NCAM2: variants seen among roughly 807,000 people sequenced by gnomAD.
NCAM2 encodes neural cell adhesion molecule 2, also known as N-CAM-2.
A neutral mutation model predicts 98.1 loss-of-function variants in NCAM2; 30 were observed. The ratio of observed to expected loss-of-function variants is 0.31; its 90% confidence interval spans 0.23 to 0.41. The LOEUF is 0.41. Among genes scored for constraint, NCAM2 ranks in the 10% least tolerant of loss-of-function variants. The pLI, the probability that NCAM2 is intolerant of heterozygous loss-of-function variation, is 1.00. For missense variants in NCAM2, 867 were observed against 1,005.8 expected (o/e 0.86, Z 1.87); for synonymous variants, 368 against 342.4 (o/e 1.07, Z -0.83).
At chr21:21,233,749 C>G (rs953679221) in intron 1 of NCAM2, among the ~76,000 whole-genome samples, 5 of 151,572 alleles carry the variant, frequency 3.3e-5, no homozygotes, top group Admixed American at 3.3e-4. Context: ...TGCTGAAATT[C>G]AATAACGTGT....
chr21:20,999,063 G>A (rs565838681), intron 1 of NCAM2, among the ~76,000 whole-genome samples: 1 of 152,198 alleles, frequency 6.6e-6, no homozygotes, highest in African/African-American at 2.4e-5. Flanking sequence ...TGTGCAAGAC[G>A]TTCGATTCTT....
chr21:21,194,231 G>GT lies in NCAM2; in HGVS notation c.56-86340dup, dbSNP rs1242570004. 1.3e-4 allele frequency among the ~76,000 whole-genome samples: 19 copies of GT among 151,838 alleles called. 1 individual carries two copies. Among genetic ancestry groups the GT allele is most frequent in the South Asian group, 2.1e-4 (1 of 4,822 alleles). The stretch of plus-strand genomic sequence containing the variant: ...AAAACTGTAATTGCAATTAGTATAT[G>GT]TTTTTTTCATTTAAGTATATTTTAA... On this transcript the variant is annotated intron_variant, in intron 1 of 17. Transcript: ENST00000400546.
intron 1 of NCAM2, among the ~76,000 whole-genome samples, chr21:21,264,395 T>A (rs1182906005): frequency 1.3e-5 from 2 of 152,058 alleles, no homozygotes; most frequent in Admixed American, 1.3e-4. Flanking sequence ...ACATCATCAA[T>A]GGGAATGTAA....
At position 21,493,368 on chromosome 21, in the gene NCAM2, T is replaced by C. The variant is rs369764511; in HGVS notation, c.2078-15483T>C. ...AGGTAATAGAGATATCACCATTGCA[T>C]GTTTTCCCTTTTAAATAGACTTTAG... On this transcript the variant is annotated intron_variant, in intron 15 of 17. Coordinates refer to ENST00000400546, the MANE Select transcript of NCAM2 (RefSeq NM_004540.5). 2.4e-4 allele frequency among the ~76,000 whole-genome samples: 37 copies of C among 152,018 alleles called. No individual in the cohort carries two copies. The East Asian group carries it at 3.9e-3, about 16-fold the overall frequency.
intron 15 of NCAM2, among the ~76,000 whole-genome samples, chr21:21,501,147 A>G (rs1987602713): frequency 6.6e-6 from 1 of 152,064 alleles, no homozygotes; most frequent in Non-Finnish European, 1.5e-5. Flanking sequence ...CAAAACAAAC[A>G]TTTAATTCAT....
At chr21:21,336,417 G>A (rs1334030527) in intron 7 of NCAM2, among the ~76,000 whole-genome samples, 2 of 151,900 alleles carry the variant, frequency 1.3e-5, no homozygotes, top group African/African-American at 4.8e-5. Flanking sequence ...GCCTGTTGTG[G>A]GGTGGGGGGA....
intron 5 of NCAM2, among the ~76,000 whole-genome samples, chr21:21,299,917 G>A (rs2073646813): frequency 6.6e-6 from 1 of 151,870 alleles, no homozygotes; most frequent in African/African-American, 2.4e-5. Context: ...TTTGCATATA[G>A]CCTACACACA....
chr21:21,217,175 A>G (rs2069938136), intron 1 of NCAM2, among the ~76,000 whole-genome samples: 1 of 152,186 alleles, frequency 6.6e-6, no homozygotes, highest in African/African-American at 2.4e-5. Context: ...AGTAAACAGT[A>G]TATCTGATAT....
chr21:21,460,481 T>A (rs1188105686), intron 12 of NCAM2, among the ~76,000 whole-genome samples: 1 of 151,996 alleles, frequency 6.6e-6, no homozygotes, highest in Non-Finnish European at 1.5e-5. Flanking sequence ...AAACAAACTT[T>A]AATTTGGAAA....
chr21:21,358,885 CT>C (rs1404450241), intron 8 of NCAM2, among the ~76,000 whole-genome samples: 3 of 151,868 alleles, frequency 2.0e-5, no homozygotes, highest in Non-Finnish European at 4.4e-5. Context: ...TATTTACTAA[CT>C]TTTTAGTTGA....
At chr21:21,521,084 G>C (rs1433733936) in intron 16 of NCAM2, among the ~76,000 whole-genome samples, 3 of 152,074 alleles carry the variant, frequency 2.0e-5, no homozygotes, top group African/African-American at 7.2e-5. Flanking sequence ...GCCTAACATG[G>C]GGTTTTTAAC....
intron 5 of NCAM2, among the ~76,000 whole-genome samples, chr21:21,303,826 T>C (rs912220975): frequency 6.6e-6 from 1 of 152,190 alleles, no homozygotes. Context: ...AATACATGTT[T>C]AGTGGTTTCA....
At chr21:21,266,278 C>A (rs574949138) in intron 1 of NCAM2, among the ~76,000 whole-genome samples, 1 of 152,146 alleles carries the variant, frequency 6.6e-6, no homozygotes, top group South Asian at 2.1e-4. Flanking sequence ...AATTCAACTA[C>A]TGTATTCCTA....
chr21:21,366,314 A>T (rs77914960), intron 8 of NCAM2, among the ~76,000 whole-genome samples: 1 of 152,072 alleles, frequency 6.6e-6, no homozygotes, highest in Admixed American at 6.6e-5. Context: ...GCTTAAAAAA[A>T]CAACCTCTCA....
intron 1 of NCAM2, among the ~76,000 whole-genome samples, chr21:21,125,350 G>GTAATAT (rs2066766715): frequency 1.5e-4 from 1 of 6,620 alleles, no homozygotes. Context: ...AGGGTGGGGA[G>GTAATAT]ATAATATTTT....
chr21:21,392,048 C>T (rs886100551), intron 9 of NCAM2, among the ~76,000 whole-genome samples: 3 of 152,116 alleles, frequency 2.0e-5, no homozygotes, highest in Non-Finnish European at 4.4e-5. Context: ...TTTCATCACC[C>T]AGGTATTAAG....
chr21:21,022,300 A>G (rs1458684137), intron 1 of NCAM2, among the ~76,000 whole-genome samples: 2 of 152,118 alleles, frequency 1.3e-5, no homozygotes, highest in Admixed American at 1.3e-4. Context: ...AATGAAGAAT[A>G]TATACAACAC....
intron 1 of NCAM2, among the ~76,000 whole-genome samples, chr21:21,053,255 T>C (rs1427695280): frequency 2.0e-5 from 3 of 152,094 alleles, no homozygotes; most frequent in African/African-American, 7.2e-5. Context: ...TAAAAATTTG[T>C]GGCGACATCA....
intron 1 of NCAM2, among the ~76,000 whole-genome samples, chr21:21,218,950 G>A (rs1488125577): frequency 7.2e-5 from 11 of 152,210 alleles, no homozygotes; most frequent in African/African-American, 1.7e-4. Flanking sequence ...GGCTGAGGAA[G>A]GAGAATCACT....
Sources: allele counts gnomAD v4.1 joint callset (sites outside exome capture counted in the v4.1 genomes callset), GRCh38; gene constraint gnomAD v4.1.1; transcripts MANE v1.5; gene names NCBI Gene and HGNC (gene_info 2026-07-23, HGNC 2026-07-21).